The following CTF1 variants were observed in gnomAD, a reference collection of about 807,000 sequenced individuals.
CTF1 encodes the protein cardiotrophin-1.
A neutral mutation model predicts 10.9 loss-of-function variants in CTF1; 9 were observed. That is an observed-to-expected ratio of 0.83 (90% CI 0.50 to 1.44). The LOEUF is 1.44. Ranked by LOEUF, CTF1 falls within the 40% of genes most tolerant of loss-of-function variation. The pLI, the probability that CTF1 is intolerant of heterozygous loss-of-function variation, is 0.00. For synonymous variants in CTF1, 133 were observed against 138.8 expected, an observed-to-expected ratio of 0.96 and a Z score of 0.29; for missense variants, 259 against 275.3, an observed-to-expected ratio of 0.94 and a Z score of 0.42.
At chr16:30,898,751 G>A (rs997829673) in intron 1 of CTF1, among the ~76,000 whole-genome samples, 8 of 152,018 alleles carry the variant, frequency 5.3e-5, no homozygotes, top group Admixed American at 2.0e-4. Context: ...TCGACCTCCC[G>A]GGGTTCAAGT....
At position 30,902,679 on chromosome 16, in the gene CTF1, G is replaced by A. The variant is rs899967208; in HGVS notation, c.*140G>A. On this transcript the variant is annotated 3_prime_UTR_variant, in exon 3 of 3. Transcript: ENST00000279804. Reference sequence around the variant, plus strand: ...TGCCTCGGCCTTCTTTGCTTTTTGTGGGGGAGAGGGGAGGGGACGGGCAGG... The same window carrying A: ...TGCCTCGGCCTTCTTTGCTTTTTGTAGGGGAGAGGGGAGGGGACGGGCAGG... The A allele has an allele frequency of 3.2e-6, 4 of 1,255,566 alleles. No individual in the cohort carries two copies. Among genetic ancestry groups the A allele is most frequent in the East Asian group, 3.3e-5 (1 of 30,066 alleles). The allele number at this position is 1,255,566 out of a possible 1,614,324, so 77.8% of individuals were successfully genotyped here. A position where few individuals can be genotyped will look rare whatever the true frequency, so the allele number is the denominator to read the frequency against.
intron 1 of CTF1, among the ~76,000 whole-genome samples, chr16:30,897,967 G>T (rs947342483): frequency 6.6e-6 from 1 of 150,940 alleles, no homozygotes; most frequent in Non-Finnish European, 1.5e-5. Flanking sequence ...CAATTCTCCT[G>T]CCTCAGCCTC....
At chr16:30,897,117 T>A (rs1312444209) in intron 1 of CTF1, among the ~76,000 whole-genome samples, 63 of 130,978 alleles carry the variant, frequency 4.8e-4, no homozygotes, top group Middle Eastern at 3.8e-3. Context: ...GCTGGGAAAC[T>A]TCGGGGGTGG....
chr16:30,897,475 A>G (rs2055363562), intron 1 of CTF1, among the ~76,000 whole-genome samples: 1 of 152,196 alleles, frequency 6.6e-6, no homozygotes, highest in East Asian at 1.9e-4. Flanking sequence ...AAAAGCCGTT[A>G]AAAGAGCTAC....
At position 30,902,511 on chromosome 16, in the gene CTF1, G is replaced by A. The variant is rs1406867272; in HGVS notation, c.578G>A (p.Gly193Asp). The change falls in exon 3 of 3, where the codon GGC becomes GAC. Residue 193 changes from glycine to aspartate, a missense_variant. Gly to Asp is a moderately conservative substitution (Grantham distance 94). Transcript: ENST00000279804. ...EWLSRTEGDLGQLLPGGSA is the reference protein window; with the variant it reads ...EWLSRTEGDLDQLLPGGSA ...CTGAGCCGCACCGAGGGCGACCTGGGCCAGCTGCTGCCCGGGGGCTCGGCC... is the reference window on the plus strand; with the variant it reads ...CTGAGCCGCACCGAGGGCGACCTGGACCAGCTGCTGCCCGGGGGCTCGGCC... 5 of 1,493,988 alleles carry A rather than the reference G, an allele frequency of 3.3e-6. No homozygotes were observed. The highest frequency in any genetic ancestry group is 1.4e-5 in the African/African-American group (1 of 69,148). 92.5% of individuals were successfully genotyped at this position (1,493,988 alleles called of 1,614,324 possible).
intron 2 of CTF1, 63 bp from the exon 3 acceptor site, chr16:30,902,015 C>T: frequency 1.5e-6 from 2 of 1,357,344 alleles, no homozygotes; most frequent in South Asian, 3.1e-5. Context: ...GTTGGAGAGC[C>T]CAGTTAACAG....
chr16:30,902,946 G>T lies in CTF1; in HGVS notation c.*407G>T. The T allele has an allele frequency of 6.3e-6, 1 of 158,080 alleles. No individual in the cohort carries two copies. The highest frequency in any genetic ancestry group is 1.6e-4 in the South Asian group (1 of 6,074). 9.8% of individuals were successfully genotyped at this position (158,080 alleles called of 1,614,324 possible). A position where few individuals can be genotyped will look rare whatever the true frequency, so the allele number is the denominator to read the frequency against. On this transcript the variant is annotated 3_prime_UTR_variant, in exon 3 of 3. Coordinates refer to ENST00000279804, the MANE Select transcript of CTF1 (RefSeq NM_001330.5). The stretch of plus-strand genomic sequence containing the variant: ...CCCGCTTCAGCCTCCCTAAGTGCTG[G>T]GATTGCAGGCGTGAGCCACTTTCCC...
At chr16:30,898,644 C>G (rs908986521) in intron 1 of CTF1, among the ~76,000 whole-genome samples, 1 of 151,948 alleles carries the variant, frequency 6.6e-6, no homozygotes, top group Non-Finnish European at 1.5e-5. Context: ...TTAACTGTAG[C>G]TTTTCTATGT....
At chr16:30,899,340 C>A in intron 1 of CTF1, 75 bp from the exon 2 acceptor site, 1 of 941,598 alleles carries the variant, frequency 1.1e-6, no homozygotes, top group South Asian at 1.3e-5. Flanking sequence ...GGGTCAGGAA[C>A]AAAGAGCCAG....
intron 1 of CTF1, among the ~76,000 whole-genome samples, chr16:30,898,264 C>A (rs144739323): frequency 6.6e-6 from 1 of 151,704 alleles, no homozygotes; most frequent in East Asian, 2.0e-4. Context: ...CAGGTTCAAG[C>A]GATTCTCATG....
Position 30,901,982 on chromosome 16 carries a change from A to G in CTF1, c.145-96A>G. 11 of 1,147,380 alleles carry G rather than the reference A, an allele frequency of 9.6e-6. No homozygotes were observed. The South Asian group carries it at 1.7e-4, about 18-fold the overall frequency. The allele number at this position is 1,147,380 out of a possible 1,614,324, so 71.1% of individuals were successfully genotyped here. On this transcript the variant is annotated intron_variant, in intron 2 of 2. Coordinates refer to ENST00000279804, the MANE Select transcript of CTF1 (RefSeq NM_001330.5). ...AGGGATTATCATCTGCAAGATGAGG[A>G]AACTGACACCCCCAGAGAGCGGGTT...
At chr16:30,896,116 T>TG (rs2055345781), upstream of CTF1, among the ~76,000 whole-genome samples, 1 of 152,052 alleles carries the variant, frequency 6.6e-6, no homozygotes, top group Non-Finnish European at 1.5e-5. Context: ...GCAGTGTATC[T>TG]GTCTCCCTCC....
chr16:30,899,606 C>A, intron 2 of CTF1, 73 bp downstream of exon 2: 1 of 888,462 alleles, frequency 1.1e-6, no homozygotes, highest in Non-Finnish European at 1.8e-6. Context: ...TCCTCGATCA[C>A]CCATTCTCTC....
Position 30,902,297 on chromosome 16 carries a change from C to A in CTF1, c.364C>A (p.Leu122Met). Residue 122 changes from leucine (L) to methionine (M), a missense_variant, in exon 3 of 3, where the codon CTG (leucine) becomes ATG (methionine). Leu to Met is a conservative substitution (Grantham distance 15). Transcript: ENST00000279804. ...NPRAPRLLRR[L>M]EDAARQARAL... ...GCGCGCGCCGCGCCTGCTGCGCCGC[C>A]TGGAGGACGCGGCGCGCCAGGCCCG... The A allele has an allele frequency of 4.0e-6, 4 of 1,009,686 alleles. No homozygotes were observed. In the South Asian group the frequency reaches 1.8e-4, roughly 44 times the overall value. 62.5% of individuals were successfully genotyped at this position (1,009,686 alleles called of 1,614,324 possible).
Position 30,902,652 on chromosome 16 carries a change from A to T in CTF1, c.*113A>T. The T allele has an allele frequency of 2.2e-5, 29 of 1,311,674 alleles. No homozygotes were observed. Among genetic ancestry groups the T allele is most frequent in the Admixed American group, 3.6e-5 (1 of 27,662 alleles). 81.3% of individuals were successfully genotyped at this position (1,311,674 alleles called of 1,614,324 possible). On this transcript the variant is annotated 3_prime_UTR_variant, in exon 3 of 3. Coordinates refer to ENST00000279804, the MANE Select transcript of CTF1 (RefSeq NM_001330.5). ...TGTCTGTCTGCTCTTAGCTGTCTCC[A>T]TTGCCTCGGCCTTCTTTGCTTTTTG...
At chr16:30,900,944 A>G (rs1454764296) in intron 2 of CTF1, among the ~76,000 whole-genome samples, 3 of 145,206 alleles carry the variant, frequency 2.1e-5, no homozygotes, top group Non-Finnish European at 4.5e-5. Flanking sequence ...CCCAGGTTGG[A>G]GTGCAATGGT....
At position 30,902,186 on chromosome 16, in the gene CTF1, G is replaced by C. The variant is rs1489208133; in HGVS notation, c.253G>C (p.Glu85Gln). Reference sequence around the variant, plus strand: ...GAGCCACGCGGGGCTGCCAGTGCACGAGCGGCTGCGGCTGGACGCGGCGGC... The same window carrying C: ...GAGCCACGCGGGGCTGCCAGTGCACCAGCGGCTGCGGCTGGACGCGGCGGC... ...APSHAGLPVHERLRLDAAALA... is the reference protein window; with the variant it reads ...APSHAGLPVHQRLRLDAAALA... The change falls in exon 3 of 3, where the codon GAG becomes CAG. Residue 85 changes from glutamate to glutamine, a missense_variant. By Grantham distance (29) the Glu-to-Gln change is conservative. Transcript: ENST00000279804. 8.2e-6 allele frequency: 10 copies of C among 1,213,762 alleles called. No homozygotes were observed. The highest frequency in any genetic ancestry group is 1.6e-5 in the African/African-American group (1 of 62,912). The allele number at this position is 1,213,762 out of a possible 1,614,324, so 75.2% of individuals were successfully genotyped here. A position where few individuals can be genotyped will look rare whatever the true frequency, so the allele number is the denominator to read the frequency against.
chr16:30,899,565 G>T (rs775880426), intron 2 of CTF1, 32 bp downstream of exon 2: 2 of 919,098 alleles, frequency 2.2e-6, no homozygotes, highest in African/African-American at 1.7e-5. Flanking sequence ...GGTGCCGGGG[G>T]CCTGGGGAAT....
chr16:30,897,745 C>T (rs2055366415), intron 1 of CTF1, among the ~76,000 whole-genome samples: 2 of 152,160 alleles, frequency 1.3e-5, no homozygotes, highest in Non-Finnish European at 2.9e-5. Context: ...GTCCCAGCTA[C>T]ACAGGAGACC....
Sources: allele counts gnomAD v4.1 joint callset (sites outside exome capture counted in the v4.1 genomes callset), GRCh38; gene constraint gnomAD v4.1.1; transcripts MANE v1.5; gene names NCBI Gene and HGNC (gene_info 2026-07-23, HGNC 2026-07-21).